BCKDHA: variants seen among roughly 807,000 people sequenced by gnomAD.
BCKDHA encodes branched chain keto acid dehydrogenase E1 subunit alpha.
Under a neutral mutation model 52.2 loss-of-function variants are expected in BCKDHA, and 43 were observed. The observed-to-expected ratio is 0.82, with a 90% confidence interval of 0.64 to 1.06. The LOEUF (loss-of-function observed/expected upper bound fraction) is 1.06, where lower values mean the gene tolerates loss of function less well. BCKDHA is among the 50% of genes least tolerant of loss of function. BCKDHA has a pLI of 0.00. For missense variants in BCKDHA, 527 were observed against 621.3 expected, an observed-to-expected ratio of 0.85 and a Z score of 1.61; for synonymous variants, 234 against 247.9, an observed-to-expected ratio of 0.94 and a Z score of 0.53.
intron 5 of BCKDHA, among the ~76,000 whole-genome samples, chr19:41,420,958 A>G (rs2039357914): frequency 6.6e-6 from 1 of 152,190 alleles, no homozygotes; most frequent in African/African-American, 2.4e-5. Flanking sequence ...GCTGAGATGC[A>G]TGAGTTTGTG....
intron 1 of BCKDHA, among the ~76,000 whole-genome samples, chr19:41,407,014 C>T (rs1568502468): frequency 3.9e-5 from 6 of 151,920 alleles, no homozygotes; most frequent in Admixed American, 1.3e-4. Flanking sequence ...AGGCATGAGC[C>T]GCTGCACATC....
chr19:41,419,031 C>T (rs1889300796), intron 4 of BCKDHA, 104 bp from the exon 5 acceptor site: 3 of 1,405,008 alleles, frequency 2.1e-6, no homozygotes, highest in Non-Finnish European at 3.0e-6. Flanking sequence ...TAAAACAAGC[C>T]TGAGCTTTCC....
intron 5 of BCKDHA, among the ~76,000 whole-genome samples, chr19:41,420,543 G>T (rs1466772300): frequency 6.6e-6 from 1 of 151,756 alleles, no homozygotes; most frequent in African/African-American, 2.4e-5. Flanking sequence ...AGTTTGCAGT[G>T]AGCTGAGATC....
chr19:41,410,494 G>A, intron 1 of BCKDHA, 143 bp from the exon 2 acceptor site: 1 of 851,692 alleles, frequency 1.2e-6, no homozygotes, highest in Non-Finnish European at 1.9e-6. Flanking sequence ...TGGAGTTGGG[G>A]CTCAGACCCT....
At chr19:41,408,435 AG>A (rs2039216732) in intron 1 of BCKDHA, among the ~76,000 whole-genome samples, 1 of 152,070 alleles carries the variant, frequency 6.6e-6, no homozygotes, top group Non-Finnish European at 1.5e-5. Context: ...GTGCTTCATA[AG>A]GGGGAGCTAT....
chr19:41,424,700 T>G lies in BCKDHA; in HGVS notation c.*92T>G, dbSNP rs1385502493. ...AGGGGGACCTGACAGCACACCACTG[T>G]CTTCCCCAGTCAGCTCCCTCTAAAA... On this transcript the variant is annotated 3_prime_UTR_variant, in exon 9 of 9. Transcript: ENST00000269980. 5 of 1,385,950 alleles carry G rather than the reference T, an allele frequency of 3.6e-6. No homozygotes were observed. Among genetic ancestry groups the G allele is most frequent in the Non-Finnish European group, 4.9e-6 (5 of 1,021,908 alleles). The allele number at this position is 1,385,950 out of a possible 1,614,324, so 85.9% of individuals were successfully genotyped here.
intron 1 of BCKDHA, among the ~76,000 whole-genome samples, chr19:41,408,628 T>G (rs2039219651): frequency 6.6e-6 from 1 of 152,002 alleles, no homozygotes; most frequent in African/African-American, 2.4e-5. Flanking sequence ...GAGCTTTTTT[T>G]TTTGTTTGAG....
In BCKDHA at chr19:41,414,154, G is replaced by A. The variant is rs2039285292; in HGVS notation, c.481G>A (p.Ala161Thr). 6.2e-7 allele frequency: 1 copy of A among 1,613,310 alleles called. No homozygotes were observed. The highest frequency in any genetic ancestry group is 1.3e-5 in the African/African-American group (1 of 74,940). ...CCTGGTGTTTGGCCAGTACCGGGAG[G>A]CAGGTACGTCTGTCCGTGGTTTGGC... ...TDLVFGQYRE[A>T]GVLMYRDYPL... The change falls in exon 4 of 9, where the codon GCA (alanine) becomes ACA (threonine). Residue 161 changes from alanine (A) to threonine (T), a missense_variant. Transcript: ENST00000269980.
intron 1 of BCKDHA, among the ~76,000 whole-genome samples, chr19:41,404,125 A>G (rs921165219): frequency 8.6e-5 from 13 of 150,500 alleles, no homozygotes; most frequent in African/African-American, 1.2e-4. Flanking sequence ...GACTACAGAC[A>G]TGCACCACCA....
chr19:41,418,698 T>A, intron 4 of BCKDHA: 1 of 447,814 alleles, frequency 2.2e-6, no homozygotes, highest in Non-Finnish European at 4.4e-6. Context: ...GCCTGGCTAA[T>A]GTTTTGATTT....
intron 4 of BCKDHA, among the ~76,000 whole-genome samples, chr19:41,414,566 C>T (rs1467069185): frequency 6.6e-6 from 1 of 152,160 alleles, no homozygotes; most frequent in Admixed American, 6.6e-5. Flanking sequence ...GCAGTGATCC[C>T]CTGGCCCCTC....
Position 41,410,829 on chromosome 19 carries a change from CT to C in BCKDHA, c.288+14del. On this transcript the variant is annotated intron_variant, in intron 2 of 8. Coordinates refer to ENST00000269980, the MANE Select transcript of BCKDHA (RefSeq NM_000709.4). ...CGAGGACCCCCACGTGAGAGGCGGC[CT>C]CCCCCACTTCCCGTGCCCCCCACGC... The C allele has an allele frequency of 6.2e-7, 1 of 1,614,130 alleles. No homozygotes were observed. Among genetic ancestry groups the C allele is most frequent in the Non-Finnish European group, 8.5e-7 (1 of 1,180,000 alleles).
chr19:41,406,759 A>G (rs533216350), intron 1 of BCKDHA, among the ~76,000 whole-genome samples: 1 of 152,068 alleles, frequency 6.6e-6, no homozygotes, highest in African/African-American at 2.4e-5. Context: ...TAGTAGAGAC[A>G]GGGTTTCACT....
Position 41,423,161 on chromosome 19 carries a change from C to A in BCKDHA, c.1159C>A (p.Arg387Ser). 2 of 1,554,122 alleles carry A rather than the reference C, an allele frequency of 1.3e-6. No individual in the cohort carries two copies. Among genetic ancestry groups the A allele is most frequent in the Admixed American group, 2.0e-5 (1 of 51,270 alleles). ...GGAGAAGGCCTGGAGGAAGCAGTCCCGCAGGAAGGTGAGGGTGCCCCGCCC... is the reference window on the plus strand; with the variant it reads ...GGAGAAGGCCTGGAGGAAGCAGTCCAGCAGGAAGGTGAGGGTGCCCCGCCC... ...EQEKAWRKQSRRKVMEAFEQA... is the reference protein window; with the variant it reads ...EQEKAWRKQSSRKVMEAFEQA... Residue 387 changes from arginine (R) to serine (S), a missense_variant, in exon 8 of 9, where the codon CGC becomes AGC. Coordinates refer to ENST00000269980, the MANE Select transcript of BCKDHA (RefSeq NM_000709.4).
intron 4 of BCKDHA, 174 bp from the exon 5 acceptor site, chr19:41,418,961 T>C: frequency 1.4e-6 from 1 of 709,570 alleles, no homozygotes; most frequent in Non-Finnish European, 2.4e-6. Flanking sequence ...TGCTTTCTTT[T>C]GAAAAATCAG....
chr19:41,422,667 G>T lies in BCKDHA; in HGVS notation c.892G>T (p.Val298Leu). The T allele has an allele frequency of 1.2e-6, 2 of 1,614,132 alleles. No individual in the cohort carries two copies. The highest frequency in any genetic ancestry group is 1.7e-6 in the Non-Finnish European group (2 of 1,180,042). ...GPGYGIMSIRVDGNDVFAVYN... is the reference protein window; with the variant it reads ...GPGYGIMSIRLDGNDVFAVYN... ...CGGGTATGGCATCATGTCAATCCGC[G>T]TGGATGGTAATGATGTGTTTGCCGT... Residue 298 changes from valine (V) to leucine (L), a missense_variant, in exon 7 of 9, where the codon GTG (valine) becomes TTG (leucine). Val to Leu is a conservative substitution (Grantham distance 32). Transcript: ENST00000269980.
At chr19:41,419,018 T>G in intron 4 of BCKDHA, 117 bp from the exon 5 acceptor site, 2 of 1,285,580 alleles carry the variant, frequency 1.6e-6, no homozygotes, top group Non-Finnish European at 2.2e-6. Context: ...TCAGTCTTCC[T>G]CTTAAAACAA....
At chr19:41,416,138 T>G (rs1002486774) in intron 4 of BCKDHA, among the ~76,000 whole-genome samples, 51 of 152,158 alleles carry the variant, frequency 3.4e-4, no homozygotes, top group African/African-American at 1.2e-3. Flanking sequence ...GAGATGGGGT[T>G]TCACCACGTT....
intron 3 of BCKDHA, among the ~76,000 whole-genome samples, chr19:41,412,966 A>G (rs368066205): frequency 6.6e-6 from 1 of 152,190 alleles, no homozygotes; most frequent in Admixed American, 6.5e-5. Flanking sequence ...GGCCTCCCAA[A>G]GTACCGGGAT....
Sources: allele counts gnomAD v4.1 joint callset (sites outside exome capture counted in the v4.1 genomes callset), GRCh38; gene constraint gnomAD v4.1.1; transcripts MANE v1.5; gene names NCBI Gene and HGNC (gene_info 2026-07-23, HGNC 2026-07-21).